The following ZNF365 variants were observed in gnomAD, a reference collection of about 807,000 sequenced individuals.
ZNF365 encodes protein ZNF365.
In ZNF365, 22 loss-of-function variants were observed where a neutral mutation model predicts 35.0. That is an observed-to-expected ratio of 0.63 (90% CI 0.45 to 0.90). The LOEUF (loss-of-function observed/expected upper bound fraction) is 0.90. Ranked by LOEUF, ZNF365 falls within the 40% of genes least tolerant of loss-of-function variation. ZNF365 has a pLI of 0.00. For synonymous variants in ZNF365, 188 were observed against 196.2 expected, an observed-to-expected ratio of 0.96 and a Z score of 0.35; for missense variants, 448 against 500.3, an observed-to-expected ratio of 0.90 and a Z score of 1.00.
chr10:62,479,533 A>G (rs1437941499), intron 4 of ZNF365, among the ~76,000 whole-genome samples: 2 of 152,238 alleles, frequency 1.3e-5, no homozygotes, highest in Admixed American at 6.5e-5. Context: ...ATAACTTATC[A>G]TCTGAACCAG....
rs565041411 is a variant in ZNF365 at position 62,422,087 on chromosome 10, G to A, written c.924+33511G>A. On this transcript the variant is annotated intron_variant, in intron 3 of 4. Coordinates refer to the ZNF365 transcript ENST00000395255. ...GAAACCAAGTATTACCATTCTACAGGGCAGCATGTTGGTCCATTATATGGA... is the reference window on the plus strand; with the variant it reads ...GAAACCAAGTATTACCATTCTACAGAGCAGCATGTTGGTCCATTATATGGA... Among the ~76,000 whole-genome samples, 15 of 152,246 alleles carry A rather than the reference G, an allele frequency of 9.9e-5. No homozygotes were observed. The East Asian group carries it at 2.9e-3, about 29-fold the overall frequency.
chr10:62,418,787 G>A (rs1158641816), intron 3 of ZNF365, among the ~76,000 whole-genome samples: 2 of 152,042 alleles, frequency 1.3e-5, no homozygotes, highest in East Asian at 3.9e-4. Flanking sequence ...TCCTCAAAGG[G>A]CAATCCATAC....
chr10:62,375,782 C>A, intron 1 of ZNF365: 1 of 167,872 alleles, frequency 6.0e-6, no homozygotes, highest in Non-Finnish European at 1.3e-5. Context: ...TCCATCTGAC[C>A]TTGGATTAAT....
chr10:62,428,464 A>G (rs1354181915), intron 3 of ZNF365, among the ~76,000 whole-genome samples: 1 of 152,116 alleles, frequency 6.6e-6, no homozygotes, highest in Non-Finnish European at 1.5e-5. Flanking sequence ...TTGGCTCTCA[A>G]TCTTCTCCTT....
At chr10:62,377,576 T>TTG (rs1554823257) in intron 2 of ZNF365, among the ~76,000 whole-genome samples, 3 of 152,012 alleles carry the variant, frequency 2.0e-5, no homozygotes, top group Middle Eastern at 3.2e-3. Flanking sequence ...TGTATTTTTT[T>TTG]TTGTTATATT....
intron 2 of ZNF365, among the ~76,000 whole-genome samples, chr10:62,377,908 T>C (rs1047443876): frequency 3.9e-5 from 6 of 152,242 alleles, no homozygotes; most frequent in African/African-American, 1.4e-4. Flanking sequence ...TTCTTTGCCC[T>C]CTGGCACTCT....
intron 3 of ZNF365, among the ~76,000 whole-genome samples, chr10:62,445,242 G>A (rs200043191): frequency 3.0e-5 from 4 of 135,476 alleles, no homozygotes; most frequent in African/African-American, 8.3e-5. Flanking sequence ...ACATACATGT[G>A]CATGTGTCTT....
chr10:62,429,195 G>T (rs763020020), intron 3 of ZNF365, among the ~76,000 whole-genome samples: 2 of 152,170 alleles, frequency 1.3e-5, no homozygotes, highest in Non-Finnish European at 2.9e-5. Flanking sequence ...AAGTGGGAAT[G>T]GTTGTCATTG....
At chr10:62,410,657 G>C (rs568021956) in intron 3 of ZNF365, among the ~76,000 whole-genome samples, 1 of 152,150 alleles carries the variant, frequency 6.6e-6, no homozygotes, top group African/African-American at 2.4e-5. Flanking sequence ...GAGGATAATG[G>C]CTTCCAGCTC....
chr10:62,419,707 G>A (rs537543765), intron 3 of ZNF365, among the ~76,000 whole-genome samples: 2 of 152,098 alleles, frequency 1.3e-5, no homozygotes, highest in Non-Finnish European at 1.5e-5. Flanking sequence ...GGCTCAAAGC[G>A]GGGAGTAGGG....
intron 4 of ZNF365, among the ~76,000 whole-genome samples, chr10:62,473,688 T>A (rs1841081509): frequency 6.6e-6 from 1 of 152,156 alleles, no homozygotes; most frequent in South Asian, 2.1e-4. Context: ...TAGTAAATGC[T>A]GTGTTAGATG....
chr10:62,459,826 G>T, intron 4 of ZNF365: 1 of 1,590,218 alleles, frequency 6.3e-7, no homozygotes, highest in South Asian at 1.2e-5. Flanking sequence ...TGGGTGGGTT[G>T]GGCCTGGTTA....
At chr10:62,436,864 A>G (rs1340349166) in intron 3 of ZNF365, among the ~76,000 whole-genome samples, 1 of 152,190 alleles carries the variant, frequency 6.6e-6, no homozygotes, top group Non-Finnish European at 1.5e-5. Context: ...TAAGTTGGTT[A>G]GGAGGGTTAA....
At chr10:62,456,034 A>G (rs1840756200) in intron 3 of ZNF365, among the ~76,000 whole-genome samples, 1 of 152,156 alleles carries the variant, frequency 6.6e-6, no homozygotes, top group South Asian at 2.1e-4. Flanking sequence ...GTCCAACTAA[A>G]CTTGCTGCGG....
Position 62,376,770 on chromosome 10 carries a change from G to C in ZNF365, c.577G>C (p.Glu193Gln), listed in dbSNP as rs773061409. 36 of 1,614,094 alleles carry C rather than the reference G, an allele frequency of 2.2e-5. No homozygotes were observed. The highest frequency in any genetic ancestry group is 3.3e-5 in the Admixed American group (2 of 60,004). Reference sequence around the variant, plus strand: ...CAAAGAGTTGGCCCAGAAAACTGCGGAACTGTTGGAAGTTCGGGCAGCTTT... The same window carrying C: ...CAAAGAGTTGGCCCAGAAAACTGCGCAACTGTTGGAAGTTCGGGCAGCTTT... ...LTKELAQKTA[E>Q]LLEVRAAFVQ... Residue 193 changes from glutamate to glutamine, a missense_variant, in exon 2 of 5, where the codon GAA becomes CAA. By Grantham distance (29) the Glu-to-Gln change is conservative. Transcript: ENST00000395254.
intron 4 of ZNF365, among the ~76,000 whole-genome samples, chr10:62,460,187 G>C (rs1056670658): frequency 7.9e-5 from 12 of 152,108 alleles, no homozygotes; most frequent in Non-Finnish European, 1.8e-4. Flanking sequence ...TGTACATTGT[G>C]GCAGTCAGAC....
rs981642590 is a variant in ZNF365 at position 62,400,307 on chromosome 10, C to T, written c.*518C>T. 1.2e-5 allele frequency: 12 copies of T among 986,648 alleles called. No individual in the cohort carries two copies. The highest frequency in any genetic ancestry group is 6.1e-5 in the Admixed American group (1 of 16,384). The allele number at this position is 986,648 out of a possible 1,614,324, so 61.1% of individuals were successfully genotyped here. On this transcript the variant is annotated 3_prime_UTR_variant, in exon 5 of 5. Transcript: ENST00000395254. ...CTCCAAAATAAGGATTCCCATTCCCCGAGTATTCTGGTTAATCAAGATTTC... is the reference window on the plus strand; with the variant it reads ...CTCCAAAATAAGGATTCCCATTCCCTGAGTATTCTGGTTAATCAAGATTTC...
intron 3 of ZNF365, among the ~76,000 whole-genome samples, chr10:62,427,364 T>C (rs1840266232): frequency 6.6e-6 from 1 of 152,178 alleles, no homozygotes; most frequent in Admixed American, 6.5e-5. Flanking sequence ...TATAGTAACA[T>C]GCTGTACAGG....
intron 4 of ZNF365, among the ~76,000 whole-genome samples, chr10:62,465,553 C>T (rs989742772): frequency 1.3e-5 from 2 of 152,150 alleles, no homozygotes; most frequent in Non-Finnish European, 2.9e-5. Context: ...CCCATGGCTT[C>T]CCATGGACCA....
Sources: gnomAD v4.1 joint callset for allele counts (sites outside exome capture counted in the v4.1 genomes callset) on GRCh38, gnomAD v4.1.1 for gene constraint, MANE v1.5 for transcripts, NCBI Gene and HGNC (gene_info 2026-07-23, HGNC 2026-07-21) for gene names.